TMEM8B: variants seen among roughly 807,000 people sequenced by gnomAD.
TMEM8B encodes nasopharyngeal carcinoma expressed 6.
In TMEM8B, 29 loss-of-function variants were observed where a neutral mutation model predicts 49.3. That is an observed-to-expected ratio of 0.59 (90% CI 0.44 to 0.80). The LOEUF (loss-of-function observed/expected upper bound fraction) is 0.80, where lower values mean the gene tolerates loss of function less well. Ranked by LOEUF, TMEM8B falls within the 30% of genes least tolerant of loss-of-function variation. TMEM8B has a pLI of 0.00. For missense variants in TMEM8B, 575 were observed against 658.5 expected, an observed-to-expected ratio of 0.87 and a Z score of 1.39; for synonymous variants, 264 against 272.8, an observed-to-expected ratio of 0.97 and a Z score of 0.32.
intron 6 of TMEM8B, among the ~76,000 whole-genome samples, chr9:35,843,139 C>T (rs1452644798): frequency 6.6e-6 from 1 of 152,164 alleles, no homozygotes; most frequent in Non-Finnish European, 1.5e-5. Context: ...TTTTTACCCA[C>T]TCATCTTTGA....
At chr9:35,840,655 G>T (rs1830884652) in intron 3 of TMEM8B, among the ~76,000 whole-genome samples, 1 of 152,146 alleles carries the variant, frequency 6.6e-6, no homozygotes, top group Admixed American at 6.5e-5. Context: ...GGAAATTAAA[G>T]GTTGAGATTG....
intron 6 of TMEM8B, among the ~76,000 whole-genome samples, chr9:35,844,164 G>A (rs185028255): frequency 1.3e-5 from 2 of 152,296 alleles, no homozygotes; most frequent in Admixed American, 6.5e-5. Flanking sequence ...GTGCCAATTC[G>A]CATCTTGCAT....
In TMEM8B at chr9:35,835,100, C is replaced by T; in HGVS notation, c.788C>T (p.Thr263Ile). Residue 263 changes from threonine to isoleucine, a missense_variant, in exon 3 of 13, where the codon ACC (threonine) becomes ATC (isoleucine). Thr to Ile is a moderately conservative substitution (Grantham distance 89, BLOSUM62 -1). Transcript: ENST00000643932. ...GCTGTGCCTGGGGTTTTCTCACTGA[C>T]CCTCAGCTGGACACTGCCCAACCGC... ...DTAVPGVFSL[T>I]LSWTLPNRTS... 2.4e-6 allele frequency: 1 copy of T among 415,814 alleles called. No individual in the cohort carries two copies. The highest frequency in any genetic ancestry group is 4.4e-6 in the Non-Finnish European group (1 of 226,430). 25.8% of individuals were successfully genotyped at this position (415,814 alleles called of 1,614,324 possible).
chr9:35,862,295 T>C lies in TMEM8B; in HGVS notation c.*8455T>C, dbSNP rs1832666950. 6.6e-6 allele frequency: 1 copy of C among 152,210 alleles called. No homozygotes were observed. The highest frequency in any genetic ancestry group is 6.5e-5 in the Admixed American group (1 of 15,286). 9.4% of individuals were successfully genotyped at this position (152,210 alleles called of 1,614,324 possible). ...TCTGAGATTCTCTCTGAGTCTGGGATGTAAAGACAAAGTAAAACCTGAAAT... is the reference window on the plus strand; with the variant it reads ...TCTGAGATTCTCTCTGAGTCTGGGACGTAAAGACAAAGTAAAACCTGAAAT... On this transcript the variant is annotated 3_prime_UTR_variant, in exon 13 of 13. Transcript: ENST00000643932.
chr9:35,834,182 T>C (rs1192610882), intron 1 of TMEM8B, among the ~76,000 whole-genome samples: 2 of 152,140 alleles, frequency 1.3e-5, no homozygotes, highest in Non-Finnish European at 2.9e-5. Flanking sequence ...GAGAGCTAGG[T>C]TTGCATCCTC....
chr9:35,836,292 G>A (rs1456008292), intron 3 of TMEM8B, among the ~76,000 whole-genome samples: 3 of 152,220 alleles, frequency 2.0e-5, no homozygotes, highest in African/African-American at 4.8e-5. Flanking sequence ...CTGAAGGACA[G>A]CATGTTGGGA....
Position 35,841,601 on chromosome 9 carries a change from C to T in TMEM8B, c.1116C>T (p.Cys372=), listed in dbSNP as rs1285298431. Residue 372 remains cysteine (C), a synonymous_variant, in exon 5 of 13, where the codon TGC becomes TGT. Transcript: ENST00000643932. The surrounding 1 kb of genome is among the most constrained non-coding windows in gnomAD (Gnocchi z 5.9). ...VCVGGRGVSA[C]PLSLRLRPKA... Reference sequence around the variant, plus strand: ...TGGGGGGCCGTGGGGTATCTGCCTGCCCCCTGTCACTGCGTCTGCGTCCCA... The same window carrying T: ...TGGGGGGCCGTGGGGTATCTGCCTGTCCCCTGTCACTGCGTCTGCGTCCCA... 4.8e-6 allele frequency: 2 copies of T among 416,418 alleles called. No homozygotes were observed. Among genetic ancestry groups the T allele is most frequent in the Non-Finnish European group, 8.8e-6 (2 of 226,946 alleles). The allele number at this position is 416,418 out of a possible 1,614,324, so 25.8% of individuals were successfully genotyped here. A position where few individuals can be genotyped will look rare whatever the true frequency, so the allele number is the denominator to read the frequency against.
At chr9:35,834,826 G>T (rs551066212) in intron 2 of TMEM8B, among the ~76,000 whole-genome samples, 176 bp downstream of exon 2, 1 of 150,072 alleles carries the variant, frequency 6.7e-6, no homozygotes, top group Non-Finnish European at 1.5e-5. Flanking sequence ...CTGTATGACT[G>T]TGCAAGTGCT....
chr9:35,846,233 A>G, intron 7 of TMEM8B, 25 bp from the exon 8 acceptor site: 1 of 1,613,738 alleles, frequency 6.2e-7, no homozygotes, highest in Non-Finnish European at 8.5e-7. Context: ...CCTCCCTCTC[A>G]CTGACTCCTT....
At position 35,829,662 on chromosome 9, in the gene TMEM8B, C is replaced by T; in HGVS notation, c.215C>T (p.Pro72Leu). 2.5e-6 allele frequency: 1 copy of T among 401,678 alleles called. No homozygotes were observed. Among genetic ancestry groups the T allele is most frequent in the Non-Finnish European group, 4.4e-6 (1 of 226,912 alleles). The allele number at this position is 401,678 out of a possible 1,614,324, so 24.9% of individuals were successfully genotyped here. A position where few individuals can be genotyped will look rare whatever the true frequency, so the allele number is the denominator to read the frequency against. The part of the protein sequence containing the change: ...SQIPAQALSQ[P>L]HSQCLLKALA... ...ATCCCAGCCCAGGCCCTGTCCCAGC[C>T]CCATTCCCAGTGTTTGCTTAAGGCC... Residue 72 changes from proline (P) to leucine (L), a missense_variant, in exon 1 of 13, where the codon CCC becomes CTC. Transcript: ENST00000643932.
chr9:35,844,348 G>A (rs1020494608), intron 6 of TMEM8B, among the ~76,000 whole-genome samples: 3 of 152,230 alleles, frequency 2.0e-5, no homozygotes, highest in Admixed American at 6.5e-5. Flanking sequence ...AGATGAGGGC[G>A]GAGCCCTATG....
intron 3 of TMEM8B, among the ~76,000 whole-genome samples, chr9:35,836,017 C>T (rs1182076638): frequency 2.6e-5 from 4 of 152,290 alleles, no homozygotes; most frequent in South Asian, 4.1e-4. Flanking sequence ...GGGATGGCCA[C>T]GTGCATGGGG....
rs764623158 is a variant in TMEM8B, at chr9:35,842,599, A to C, written c.1517A>C (p.Tyr506Ser). Reference sequence around the variant, plus strand: ...CTGGACACCTTCTCTGTCCACTTCTACATCTTCTTTGGCCCAAGTGTGGCC... The same window carrying C: ...CTGGACACCTTCTCTGTCCACTTCTCCATCTTCTTTGGCCCAAGTGTGGCC... ...NELDTFSVHF[Y>S]IFFGPSVALP... The change falls in exon 6 of 13, where the codon TAC becomes TCC. Residue 506 changes from tyrosine (Y) to serine (S), a missense_variant. Physicochemically the swap from Tyr to Ser is moderately radical, Grantham distance 144. Coordinates refer to ENST00000643932, the MANE Select transcript of TMEM8B (RefSeq NM_001042590.4). The surrounding 1 kb of genome is among the most constrained non-coding windows in gnomAD (Gnocchi z 5.6). 6.8e-6 allele frequency: 11 copies of C among 1,614,076 alleles called. No homozygotes were observed. The highest frequency in any genetic ancestry group is 1.1e-5 in the South Asian group (1 of 91,078).
Position 35,859,698 on chromosome 9 carries a change from C to T in TMEM8B, c.*5858C>T, listed in dbSNP as rs1832616351. ...GGTCAGGTACATCTGCAGGGCACAG[C>T]CAGGGAAGGAAATGGTCCTCTGGGT... On this transcript the variant is annotated 3_prime_UTR_variant, in exon 13 of 13. Coordinates refer to ENST00000643932, the MANE Select transcript of TMEM8B (RefSeq NM_001042590.4). 1 of 157,140 alleles carries T rather than the reference C, an allele frequency of 6.4e-6. No homozygotes were observed. 9.7% of individuals were successfully genotyped at this position (157,140 alleles called of 1,614,324 possible). A position where few individuals can be genotyped will look rare whatever the true frequency, so the allele number is the denominator to read the frequency against.
rs772908387 is a variant in TMEM8B at position 35,864,386 on chromosome 9, G to A, written c.*10546G>A. 3.3e-5 allele frequency: 5 copies of A among 152,124 alleles called. No homozygotes were observed. The highest frequency in any genetic ancestry group is 3.8e-4 in the East Asian group (2 of 5,198). 9.4% of individuals were successfully genotyped at this position (152,124 alleles called of 1,614,324 possible). ...AGGGGCATAACAAGAAGAAAGCTTC[G>A]GTTACAATTTCCCCGAAATGCCTGG... On this transcript the variant is annotated 3_prime_UTR_variant, in exon 13 of 13. Transcript: ENST00000643932.
At position 35,853,424 on chromosome 9, in the gene TMEM8B, A is replaced by G. The variant is rs1448548083; in HGVS notation, c.2440-81A>G. 2.0e-6 allele frequency: 3 copies of G among 1,537,190 alleles called. No individual in the cohort carries two copies. The highest frequency in any genetic ancestry group is 2.6e-6 in the Non-Finnish European group (3 of 1,142,112). ...TGTCTTTAGGTCACAACCAGGATAC[A>G]GAGGAAACCTGAGAGTGACCAGCTC... On this transcript the variant is annotated intron_variant, in intron 12 of 12. Coordinates refer to ENST00000643932, the MANE Select transcript of TMEM8B (RefSeq NM_001042590.4). The surrounding 1 kb of genome is among the most constrained non-coding windows in gnomAD (Gnocchi z 4.2).
rs1048757862 is a variant in TMEM8B at position 35,829,845 on chromosome 9, C to T, written c.398C>T (p.Pro133Leu). The change falls in exon 1 of 13, where the codon CCC becomes CTC. Residue 133 changes from proline to leucine, a missense_variant. Physicochemically the swap from Pro to Leu is moderately conservative, Grantham distance 98. Coordinates refer to ENST00000643932, the MANE Select transcript of TMEM8B (RefSeq NM_001042590.4). ...LCLPKSLPLV[P>L]PISHTLPLSQ... Reference sequence around the variant, plus strand: ...TTACCCAAGTCTCTCCCTCTAGTCCCCCCTATCTCTCATACTCTGCCCCTC... The same window carrying T: ...TTACCCAAGTCTCTCCCTCTAGTCCTCCCTATCTCTCATACTCTGCCCCTC... 1 of 416,392 alleles carries T rather than the reference C, an allele frequency of 2.4e-6. No homozygotes were observed. The highest frequency in any genetic ancestry group is 4.4e-6 in the Non-Finnish European group (1 of 226,804). The allele number at this position is 416,392 out of a possible 1,614,324, so 25.8% of individuals were successfully genotyped here.
Position 35,842,404 on chromosome 9 carries a change from C to T in TMEM8B, c.1322C>T (p.Pro441Leu), listed in dbSNP as rs1483796559. 1 of 1,527,172 alleles carries T rather than the reference C, an allele frequency of 6.5e-7. No homozygotes were observed. The highest frequency in any genetic ancestry group is 1.3e-5 in the South Asian group (1 of 77,304). 94.6% of individuals were successfully genotyped at this position (1,527,172 alleles called of 1,614,324 possible). Residue 441 changes from proline (P) to leucine (L), a missense_variant, in exon 6 of 13, where the codon CCC (proline) becomes CTC (leucine). Physicochemically the swap from Pro to Leu is moderately conservative, Grantham distance 98 (BLOSUM62 -3). Coordinates refer to ENST00000643932, the MANE Select transcript of TMEM8B (RefSeq NM_001042590.4). The surrounding 1 kb of genome is among the most constrained non-coding windows in gnomAD (Gnocchi z 5.6). ...LCVRLQECPQ[P>L]GLLRALVPGA... ...CTCTGCCCCACAGAGTGCCCACAGC[C>T]CGGCCTGCTCCGAGCCCTGGTCCCT... is the stretch of plus-strand genomic sequence containing the variant.
At position 35,853,015 on chromosome 9, in the gene TMEM8B, C is replaced by G; in HGVS notation, c.2322+42C>G. On this transcript the variant is annotated intron_variant, in intron 11 of 12. Transcript: ENST00000643932. This position sits in a 1 kb window ranked among gnomAD's most constrained non-coding sequence, Gnocchi z 4.2. ...CCCTGGGGAACAACCATGGCCAAGT[C>G]TCCTTGAAATCCACTCCTGACCTCT... is the stretch of plus-strand genomic sequence containing the variant. The G allele has an allele frequency of 6.2e-7, 1 of 1,613,452 alleles. No homozygotes were observed. Among genetic ancestry groups the G allele is most frequent in the South Asian group, 1.1e-5 (1 of 91,050 alleles).
Sources: allele counts gnomAD v4.1 joint callset (sites outside exome capture counted in the v4.1 genomes callset), GRCh38; gene constraint gnomAD v4.1.1; non-coding constraint Gnocchi (gnomAD v3.1); transcripts MANE v1.5; gene names NCBI Gene and HGNC (gene_info 2026-07-23, HGNC 2026-07-21).